Variants in ENTREP2 observed in about 807,000 individuals in gnomAD.
The protein encoded by ENTREP2 is protein ENTREP2.
the ENTREP2 span, among the ~76,000 whole-genome samples, chr15:29,673,109 G>T: frequency 6.6e-6 from 1 of 152,126 alleles, no homozygotes; most frequent in East Asian, 1.9e-4. Flanking sequence ...GAACCGTAAT[G>T]GTGCTGGTAG....
chr15:29,566,648 G>A, the ENTREP2 span, among the ~76,000 whole-genome samples: 1 of 152,034 alleles, frequency 6.6e-6, no homozygotes, highest in Non-Finnish European at 1.5e-5. Flanking sequence ...GTAGAGACAG[G>A]GTTTCGCCAT....
chr15:29,348,384 A>G, the ENTREP2 span, among the ~76,000 whole-genome samples: 2 of 152,272 alleles, frequency 1.3e-5, no homozygotes, highest in East Asian at 3.9e-4. Context: ...TGAAATGTCA[A>G]CAGAACGAGA....
At chr15:29,179,112 T>G in the ENTREP2 span, among the ~76,000 whole-genome samples, 1 of 152,236 alleles carries the variant, frequency 6.6e-6, no homozygotes, top group South Asian at 2.1e-4. Context: ...AATTTGCCAT[T>G]AGGACATTGA....
chr15:29,262,533 G>A, the ENTREP2 span, among the ~76,000 whole-genome samples: 16 of 152,356 alleles, frequency 1.1e-4, no homozygotes, highest in Middle Eastern at 3.4e-3. Flanking sequence ...GGTTCAGAGA[G>A]CTTCCAGACT....
chr15:29,174,678 A>G, the ENTREP2 span, among the ~76,000 whole-genome samples: 118 of 149,702 alleles, frequency 7.9e-4, 1 homozygote, highest in African/African-American at 2.7e-3. Flanking sequence ...CGACAGAGTG[A>G]GACTCCAACT....
the ENTREP2 span, among the ~76,000 whole-genome samples, chr15:29,134,713 C>G: frequency 1.8e-4 from 28 of 152,292 alleles, no homozygotes; most frequent in East Asian, 4.8e-3. Context: ...CTTATTCAGC[C>G]AACATGGAAA....
the ENTREP2 span, among the ~76,000 whole-genome samples, chr15:29,303,911 C>T: frequency 2.6e-5 from 4 of 152,076 alleles, no homozygotes; most frequent in Admixed American, 2.6e-4. Flanking sequence ...GATGGAGTCT[C>T]ACTCTGTCAC....
the ENTREP2 span, among the ~76,000 whole-genome samples, chr15:29,282,114 G>T: frequency 1.5e-4 from 23 of 152,168 alleles, no homozygotes; most frequent in African/African-American, 4.8e-4. Flanking sequence ...ATATGGTTTG[G>T]CTGTGTTCCC....
chr15:29,396,072 C>T, the ENTREP2 span, among the ~76,000 whole-genome samples: 1 of 152,162 alleles, frequency 6.6e-6, no homozygotes, highest in Non-Finnish European at 1.5e-5. Flanking sequence ...ATCAAGCTAA[C>T]CATATCCATC....
the ENTREP2 span, among the ~76,000 whole-genome samples, chr15:29,468,250 A>G: frequency 6.6e-6 from 1 of 152,170 alleles, no homozygotes; most frequent in African/African-American, 2.4e-5. Context: ...TCATTTTATA[A>G]GCTGGTTCTG....
the ENTREP2 span, among the ~76,000 whole-genome samples, chr15:29,379,680 C>G: frequency 1.3e-5 from 2 of 152,180 alleles, no homozygotes; most frequent in South Asian, 4.1e-4. Flanking sequence ...TCCTCAGCCA[C>G]CACCATAAGG....
At chr15:29,323,138 C>T in the ENTREP2 span, among the ~76,000 whole-genome samples, 7 of 152,152 alleles carry the variant, frequency 4.6e-5, no homozygotes, top group African/African-American at 1.7e-4. Context: ...TCCTTGGAAT[C>T]CCCAAAGTCC....
the ENTREP2 span, among the ~76,000 whole-genome samples, chr15:29,428,813 T>C: frequency 2.6e-5 from 4 of 152,124 alleles, no homozygotes; most frequent in Non-Finnish European, 4.4e-5. Context: ...AATACAAAAA[T>C]GCAGCTATCA....
At chr15:29,529,922 G>A in the ENTREP2 span, among the ~76,000 whole-genome samples, 1 of 152,114 alleles carries the variant, frequency 6.6e-6, no homozygotes, top group Non-Finnish European at 1.5e-5. Flanking sequence ...TTAGTCATCT[G>A]ACTAAAGACA....
chr15:29,642,286 A>G, the ENTREP2 span, among the ~76,000 whole-genome samples: 2 of 152,064 alleles, frequency 1.3e-5, no homozygotes, highest in African/African-American at 4.8e-5. Flanking sequence ...GCATAAGGAT[A>G]GATATATAGA....
At chr15:29,394,389 A>G in the ENTREP2 span, among the ~76,000 whole-genome samples, 1 of 150,632 alleles carries the variant, frequency 6.6e-6, no homozygotes, top group African/African-American at 2.4e-5. Flanking sequence ...ACTGGACACA[A>G]TTTTCATCCC....
chr15:29,532,976 C>T, the ENTREP2 span, among the ~76,000 whole-genome samples: 1 of 152,286 alleles, frequency 6.6e-6, no homozygotes, highest in Non-Finnish European at 1.5e-5. Context: ...GACAGCAGAC[C>T]CTCCATGTGC....
chr15:29,353,829 G>C, the ENTREP2 span, among the ~76,000 whole-genome samples: 1 of 152,198 alleles, frequency 6.6e-6, no homozygotes, highest in South Asian at 2.1e-4. Flanking sequence ...TGGGGAGACT[G>C]AGGCACAGAG....
At chr15:29,556,731 C>T in the ENTREP2 span, among the ~76,000 whole-genome samples, 3 of 151,042 alleles carry the variant, frequency 2.0e-5, no homozygotes. Flanking sequence ...CTCTGAAGTT[C>T]TCTCTCCCCT....
Sources: gnomAD v4.1 joint callset for allele counts (sites outside exome capture counted in the v4.1 genomes callset) on GRCh38, gnomAD v4.1.1 for gene constraint, MANE v1.5 for transcripts, NCBI Gene and HGNC (gene_info 2026-07-23, HGNC 2026-07-21) for gene names.